FOXN4: variants seen among roughly 807,000 people sequenced by gnomAD.
FOXN4 encodes the protein forkhead box protein N4.
In FOXN4, 12 loss-of-function variants were observed where a neutral mutation model predicts 45.0. That is an observed-to-expected ratio of 0.27 (90% CI 0.17 to 0.43). FOXN4 has a LOEUF of 0.43. FOXN4 is among the 20% of genes least tolerant of loss of function. The probability of loss-of-function intolerance (pLI) is 1.00; values close to 1 mark genes in which losing one functional copy is unlikely to be tolerated. For missense variants in FOXN4, 560 were observed against 694.9 expected (o/e 0.81, Z 2.18); for synonymous variants, 297 against 295.0 (o/e 1.01, Z -0.07).
intron 2 of FOXN4, among the ~76,000 whole-genome samples, chr12:109,298,464 G>T (rs2047839603): frequency 6.6e-6 from 1 of 151,572 alleles, no homozygotes; most frequent in African/African-American, 2.4e-5. Context: ...CGGGTTCAAG[G>T]AATTCTCCTG....
At chr12:109,304,477 C>A (rs2047903318) in intron 2 of FOXN4, among the ~76,000 whole-genome samples, 1 of 152,166 alleles carries the variant, frequency 6.6e-6, no homozygotes, top group Non-Finnish European at 1.5e-5. Flanking sequence ...CCAGCTAACC[C>A]ACATTGAGCA....
intron 2 of FOXN4, among the ~76,000 whole-genome samples, chr12:109,304,448 C>T (rs2047903142): frequency 6.6e-6 from 1 of 152,156 alleles, no homozygotes; most frequent in African/African-American, 2.4e-5. Context: ...TCCTCCCACC[C>T]CCTGAGCTAG....
chr12:109,286,550 G>T, intron 7 of FOXN4, 98 bp downstream of exon 7: 1 of 1,181,172 alleles, frequency 8.5e-7, no homozygotes, highest in East Asian at 2.5e-5. Flanking sequence ...ACATAACTGG[G>T]AACCAAAGAG....
Position 109,279,644 on chromosome 12 carries a change from G to A in FOXN4, c.*27C>T, listed in dbSNP as rs551556074. The A allele has an allele frequency of 6.4e-7, 1 of 1,563,242 alleles. No individual in the cohort carries two copies. The highest frequency in any genetic ancestry group is 1.2e-5 in the South Asian group (1 of 84,606). On this transcript the variant is annotated 3_prime_UTR_variant, in exon 10 of 10. Transcript: ENST00000299162. ...GTTCTCTGCCCAAGCCGGGTGCCGG[G>A]GTTCCAGGGCAGGTGAGGCTGACAG...
At position 109,279,036 on chromosome 12, in the gene FOXN4, A is replaced by T. The variant is rs1422770386; in HGVS notation, c.*635T>A. 6.5e-6 allele frequency: 1 copy of T among 153,042 alleles called. No individual in the cohort carries two copies. The highest frequency in any genetic ancestry group is 2.4e-5 in the African/African-American group (1 of 41,452). 9.5% of individuals were successfully genotyped at this position (153,042 alleles called of 1,614,324 possible). On this transcript the variant is annotated 3_prime_UTR_variant, in exon 10 of 10. Transcript: ENST00000299162. Reference sequence around the variant, plus strand: ...TTTACACAAGGTCACGGTACCCGGCATGGCCCAGGAATCTGCGCTAATAAA... The same window carrying T: ...TTTACACAAGGTCACGGTACCCGGCTTGGCCCAGGAATCTGCGCTAATAAA...
At chr12:109,289,996 T>G in intron 3 of FOXN4, 145 bp downstream of exon 3, 1 of 991,276 alleles carries the variant, frequency 1.0e-6, no homozygotes, top group Non-Finnish European at 1.4e-6. Flanking sequence ...GAAGGGAGCA[T>G]TTGTCCCATT....
At chr12:109,304,270 A>AGAAAGAAAGAAAGAAAGAAAGAAG (rs2047897080) in intron 2 of FOXN4, among the ~76,000 whole-genome samples, 2 of 100,290 alleles carry the variant, frequency 2.0e-5, no homozygotes, top group African/African-American at 8.5e-5. Context: ...AAAGAAAGAA[A>AGAAAGAAAGAAAGAAAGAAAGAAG]GAAAGAAAGA....
rs1032022783 is a variant in FOXN4, at chr12:109,290,111, C to T, written c.232+30G>A. 1 of 1,519,480 alleles carries T rather than the reference C, an allele frequency of 6.6e-7. No homozygotes were observed. The highest frequency in any genetic ancestry group is 1.4e-5 in the African/African-American group (1 of 72,534). 94.1% of individuals were successfully genotyped at this position (1,519,480 alleles called of 1,614,324 possible). On this transcript the variant is annotated intron_variant, in intron 3 of 9. Coordinates refer to ENST00000299162, the MANE Select transcript of FOXN4 (RefSeq NM_213596.3). The surrounding 1 kb of genome is among the most constrained non-coding windows in gnomAD (Gnocchi z 5.1). ...AATCACCCCTCTCCTATATCACCCTCCTCCCTGCCTACCTTGTCCCTGAGC... is the reference window on the plus strand; with the variant it reads ...AATCACCCCTCTCCTATATCACCCTTCTCCCTGCCTACCTTGTCCCTGAGC...
chr12:109,293,044 C>T (rs574970329), intron 2 of FOXN4, among the ~76,000 whole-genome samples: 7 of 152,280 alleles, frequency 4.6e-5, no homozygotes, highest in South Asian at 4.1e-4. Flanking sequence ...CTCACCTCCA[C>T]GCCTTTGCAT....
rs144415815 is a variant in FOXN4, at chr12:109,293,441, G to T, written c.87-3155C>A. On this transcript the variant is annotated intron_variant, in intron 2 of 9. Transcript: ENST00000299162. The stretch of plus-strand genomic sequence containing the variant: ...CTCTGCCCCATCACTCTGCCTTCTG[G>T]CTCATTGAGTGTTGGCTCCAAACCC... Among the ~76,000 whole-genome samples the T allele has an allele frequency of 3.3e-3, 495 of 152,276 alleles. 2 individuals carry two copies. The highest frequency in any genetic ancestry group is 0.011 in the African/African-American group (471 of 41,542).
At chr12:109,302,421 G>A (rs1233745117) in intron 2 of FOXN4, among the ~76,000 whole-genome samples, 2 of 152,188 alleles carry the variant, frequency 1.3e-5, no homozygotes, top group Non-Finnish European at 2.9e-5. Flanking sequence ...GATTCCTTAG[G>A]TTGATACAGC....
At position 109,287,671 on chromosome 12, in the gene FOXN4, T is replaced by A. The variant is rs2136922984; in HGVS notation, c.469-147A>T. ...CAACCGTCCAGGAAACAATCTTGTC[T>A]CCACTCAGGGCAGGAGTTTTGGGGG... On this transcript the variant is annotated intron_variant, in intron 5 of 9. Coordinates refer to ENST00000299162, the MANE Select transcript of FOXN4 (RefSeq NM_213596.3). This position sits in a 1 kb window ranked among gnomAD's most constrained non-coding sequence, Gnocchi z 4.1. The A allele has an allele frequency of 8.0e-7, 1 of 1,257,706 alleles. No homozygotes were observed. The highest frequency in any genetic ancestry group is 1.5e-5 in the African/African-American group (1 of 65,988). The allele number at this position is 1,257,706 out of a possible 1,614,324, so 77.9% of individuals were successfully genotyped here.
At position 109,288,025 on chromosome 12, in the gene FOXN4, C is replaced by T. The variant is rs994275784; in HGVS notation, c.357+31G>A. ...GACACCCAGTCTGGAGGGCACTACC[C>T]GCCCTCCGCAGTCCATGCAGTGCCA... On this transcript the variant is annotated intron_variant, in intron 4 of 9. Coordinates refer to ENST00000299162, the MANE Select transcript of FOXN4 (RefSeq NM_213596.3). This position sits in a 1 kb window ranked among gnomAD's most constrained non-coding sequence, Gnocchi z 4.3. The T allele has an allele frequency of 1.1e-5, 17 of 1,549,914 alleles. No homozygotes were observed. In the Middle Eastern group the frequency reaches 5.0e-4, roughly 46 times the overall value.
At chr12:109,281,282 TTGTTGCTATGGGAACAA>T in intron 9 of FOXN4, 108 bp downstream of exon 9, 1 of 1,336,888 alleles carries the variant, frequency 7.5e-7, no homozygotes. Flanking sequence ...CTTGTAAAGG[TTGTTGCTATGGGAACAA>T]GACTGTGGGG....
intron 9 of FOXN4, 117 bp downstream of exon 9, chr12:109,281,290 A>C: frequency 7.3e-7 from 1 of 1,369,214 alleles, no homozygotes; most frequent in Admixed American, 2.3e-5. Context: ...GGTTGTTGCT[A>C]TGGGAACAAG....
At position 109,281,778 on chromosome 12, in the gene FOXN4, G is replaced by A. The variant is rs140167217; in HGVS notation, c.923C>T (p.Ser308Phe). The change falls in exon 9 of 10, where the codon TCC (serine) becomes TTC (phenylalanine). Residue 308 changes from serine to phenylalanine, a missense_variant. Coordinates refer to ENST00000299162, the MANE Select transcript of FOXN4 (RefSeq NM_213596.3). ...GCGCCGGCAGCTTTCAGGCCGGTCG[G>A]AGATCAGCTTGTCCAACTCCTCTGC... Reference protein sequence around the residue: ...ANPEELDKLISDRPESCRRPG... With the variant: ...ANPEELDKLIFDRPESCRRPG... The A allele has an allele frequency of 1.9e-4, 309 of 1,588,648 alleles. No individual in the cohort carries two copies. The East Asian group carries it at 5.4e-3, about 28-fold the overall frequency.
chr12:109,290,112 C>A lies in FOXN4; in HGVS notation c.232+29G>T. On this transcript the variant is annotated intron_variant, in intron 3 of 9. Transcript: ENST00000299162. The surrounding 1 kb of genome is among the most constrained non-coding windows in gnomAD (Gnocchi z 5.1). Reference sequence around the variant, plus strand: ...ATCACCCCTCTCCTATATCACCCTCCTCCCTGCCTACCTTGTCCCTGAGCC... The same window carrying A: ...ATCACCCCTCTCCTATATCACCCTCATCCCTGCCTACCTTGTCCCTGAGCC... 6.6e-7 allele frequency: 1 copy of A among 1,520,560 alleles called. No individual in the cohort carries two copies. The highest frequency in any genetic ancestry group is 8.9e-7 in the Non-Finnish European group (1 of 1,129,594). The allele number at this position is 1,520,560 out of a possible 1,614,324, so 94.2% of individuals were successfully genotyped here. A position where few individuals can be genotyped will look rare whatever the true frequency, so the allele number is the denominator to read the frequency against.
chr12:109,285,836 TA>T (rs1646764609), intron 7 of FOXN4, among the ~76,000 whole-genome samples: 1 of 151,638 alleles, frequency 6.6e-6, no homozygotes, highest in Non-Finnish European at 1.5e-5. Flanking sequence ...AATAAATGGA[TA>T]ACTGATCGAG....
rs1379047429 is a variant in FOXN4 at position 109,287,541 on chromosome 12, G to A, written c.469-17C>T. On this transcript the variant is annotated splice_polypyrimidine_tract_variant and intron_variant, in intron 5 of 9. Transcript: ENST00000299162. The surrounding 1 kb of genome is among the most constrained non-coding windows in gnomAD (Gnocchi z 4.1). ...AGGAGGGCACTTCCCACAGGCAGGG[G>A]CAGGGAGAAAGTGGCAGAGAAAGAG... 6.6e-7 allele frequency: 1 copy of A among 1,509,926 alleles called. No homozygotes were observed. Among genetic ancestry groups the A allele is most frequent in the East Asian group, 2.5e-5 (1 of 40,528 alleles). The allele number at this position is 1,509,926 out of a possible 1,614,324, so 93.5% of individuals were successfully genotyped here. A position where few individuals can be genotyped will look rare whatever the true frequency, so the allele number is the denominator to read the frequency against.
Sources: gnomAD v4.1 joint callset for allele counts (sites outside exome capture counted in the v4.1 genomes callset) on GRCh38, gnomAD v4.1.1 for gene constraint, Gnocchi (gnomAD v3.1) non-coding constraint, MANE v1.5 for transcripts, NCBI Gene and HGNC (gene_info 2026-07-23, HGNC 2026-07-21) for gene names.